Variants in SPRYD4 observed in about 807,000 individuals in gnomAD.
The protein encoded by SPRYD4 is SPRY domain-containing protein 4.
A neutral mutation model predicts 16.6 loss-of-function variants in SPRYD4; 12 were observed. The ratio of observed to expected loss-of-function variants is 0.72; its 90% CI spans 0.46 to 1.17. The LOEUF (loss-of-function observed/expected upper bound fraction) is 1.17. Among genes scored for constraint, SPRYD4 ranks in the 50% most tolerant of loss-of-function variants. SPRYD4 has a pLI of 0.00. For missense variants in SPRYD4, 260 were observed against 260.2 expected, an observed-to-expected ratio of 1.00 and a Z score of 0.00; for synonymous variants, 98 against 105.4, an observed-to-expected ratio of 0.93 and a Z score of 0.43.
In SPRYD4 at chr12:56,478,605, C is replaced by T. The variant is rs1184300545; in HGVS notation, c.*9028C>T. 2.3e-5 allele frequency: 7 copies of T among 299,200 alleles called. No individual in the cohort carries two copies. The highest frequency in any genetic ancestry group is 4.7e-5 in the Admixed American group (1 of 21,198). The allele number at this position is 299,200 out of a possible 1,614,324, so 18.5% of individuals were successfully genotyped here. On this transcript the variant is annotated 3_prime_UTR_variant, in exon 2 of 2. Coordinates refer to ENST00000338146, the MANE Select transcript of SPRYD4 (RefSeq NM_207344.4). ...TGATTCCCTCACCTGCTCTAGGAAT[C>T]GTGTATAGAAACACATGAAGCCATG...
At chr12:56,468,979 T>C in intron 1 of SPRYD4, 60 bp from the exon 2 acceptor site, 1 of 1,507,850 alleles carries the variant, frequency 6.6e-7, no homozygotes, top group Admixed American at 2.3e-5. Context: ...TATCTGAATA[T>C]ATCACCAGCC....
intron 1 of SPRYD4, 94 bp from the exon 2 acceptor site, chr12:56,468,945 C>A (rs1042444159): frequency 3.4e-5 from 49 of 1,442,118 alleles, no homozygotes; most frequent in Non-Finnish European, 4.3e-5. Flanking sequence ...CCTAGTTGCT[C>A]GTGTATCATG....
At position 56,476,719 on chromosome 12, in the gene SPRYD4, C is replaced by G. The variant is rs1052426767; in HGVS notation, c.*7142C>G. ...ATACCATTCTCCTGCCTTAGCCTCCCGAGCAGCTGGGACCACAGGTGCCCA... is the reference window on the plus strand; with the variant it reads ...ATACCATTCTCCTGCCTTAGCCTCCGGAGCAGCTGGGACCACAGGTGCCCA... On this transcript the variant is annotated 3_prime_UTR_variant, in exon 2 of 2. Coordinates refer to ENST00000338146, the MANE Select transcript of SPRYD4 (RefSeq NM_207344.4). The G allele has an allele frequency of 6.6e-6, 1 of 151,896 alleles. No individual in the cohort carries two copies. The highest frequency in any genetic ancestry group is 1.5e-5 in the Non-Finnish European group (1 of 68,102). 9.4% of individuals were successfully genotyped at this position (151,896 alleles called of 1,614,324 possible).
Position 56,478,481 on chromosome 12 carries a change from C to A in SPRYD4, c.*8904C>A. The A allele has an allele frequency of 1.8e-6, 1 of 545,096 alleles. No homozygotes were observed. 33.8% of individuals were successfully genotyped at this position (545,096 alleles called of 1,614,324 possible). A position where few individuals can be genotyped will look rare whatever the true frequency, so the allele number is the denominator to read the frequency against. ...CAATCCTGTAGAGATAGCAGTAAAGCCAATGGAAGTTAAAAAAGGAGAATT... is the reference window on the plus strand; with the variant it reads ...CAATCCTGTAGAGATAGCAGTAAAGACAATGGAAGTTAAAAAAGGAGAATT... On this transcript the variant is annotated 3_prime_UTR_variant, in exon 2 of 2. Transcript: ENST00000338146.
intron 1 of SPRYD4, 174 bp downstream of exon 1, chr12:56,468,850 C>A: frequency 9.7e-7 from 1 of 1,030,278 alleles, no homozygotes; most frequent in Non-Finnish European, 1.4e-6. Flanking sequence ...CCGGGACTTA[C>A]TCAATCCGAG....
In SPRYD4 at chr12:56,473,354, C is replaced by T. The variant is rs1297857249; in HGVS notation, c.*3777C>T. The T allele has an allele frequency of 6.2e-7, 1 of 1,610,500 alleles. No individual in the cohort carries two copies. ...GTAAGCCAAATATATTGTTTATTTA[C>T]TCCTTACACTTAGTAGGAGCTCAAA... is the stretch of plus-strand genomic sequence containing the variant. On this transcript the variant is annotated 3_prime_UTR_variant, in exon 2 of 2. Coordinates refer to ENST00000338146, the MANE Select transcript of SPRYD4 (RefSeq NM_207344.4).
Position 56,468,915 on chromosome 12 carries a change from G to T in SPRYD4, c.86-124G>T, listed in dbSNP as rs998806872. The T allele has an allele frequency of 5.4e-6, 7 of 1,305,278 alleles. No individual in the cohort carries two copies. In the African/African-American group the frequency reaches 8.9e-5, roughly 17 times the overall value. The allele number at this position is 1,305,278 out of a possible 1,614,324, so 80.9% of individuals were successfully genotyped here. On this transcript the variant is annotated intron_variant, in intron 1 of 1. Coordinates refer to ENST00000338146, the MANE Select transcript of SPRYD4 (RefSeq NM_207344.4). ...AAGCGACCTCGCGACTCTCTTGCCC[G>T]CTTGGCATTCTGACTCTTCCCTAGT...
At position 56,472,882 on chromosome 12, in the gene SPRYD4, ATTCTT is replaced by A; in HGVS notation, c.*3308_*3312del. On this transcript the variant is annotated 3_prime_UTR_variant, in exon 2 of 2. Coordinates refer to ENST00000338146, the MANE Select transcript of SPRYD4 (RefSeq NM_207344.4). The stretch of plus-strand genomic sequence containing the variant: ...GTTATGGAATGTGCTACTCTGAAAT[ATTCTT>A]TTTTTTTTTTTTTTTTTTGAGACGG... 1 of 544,654 alleles carries A rather than the reference ATTCTT, an allele frequency of 1.8e-6. No homozygotes were observed. Among genetic ancestry groups the A allele is most frequent in the Non-Finnish European group, 3.1e-6 (1 of 323,126 alleles). The allele number at this position is 544,654 out of a possible 1,614,324, so 33.7% of individuals were successfully genotyped here.
At position 56,472,789 on chromosome 12, in the gene SPRYD4, C is replaced by T. The variant is rs772287526; in HGVS notation, c.*3212C>T. The T allele has an allele frequency of 3.8e-5, 61 of 1,586,876 alleles. No individual in the cohort carries two copies. Among genetic ancestry groups the T allele is most frequent in the African/African-American group, 5.4e-5 (4 of 74,326 alleles). On this transcript the variant is annotated 3_prime_UTR_variant, in exon 2 of 2. Transcript: ENST00000338146. ...TCATACCCACATGACATTAATTGAA[C>T]TCACCTATGCCAGCTGTGCCCTGTG...
At position 56,477,601 on chromosome 12, in the gene SPRYD4, A is replaced by T; in HGVS notation, c.*8024A>T. On this transcript the variant is annotated 3_prime_UTR_variant, in exon 2 of 2. Transcript: ENST00000338146. ...CTGGAGAGCTGAACAAATATGAGGG[A>T]TACAGGAACACAGGAGCTTAGAGGA... is the stretch of plus-strand genomic sequence containing the variant. The T allele has an allele frequency of 1.3e-6, 2 of 1,523,420 alleles. No homozygotes were observed. Among genetic ancestry groups the T allele is most frequent in the Non-Finnish European group, 1.8e-6 (2 of 1,110,518 alleles). 94.4% of individuals were successfully genotyped at this position (1,523,420 alleles called of 1,614,324 possible).
In SPRYD4 at chr12:56,473,056, AT is replaced by A; in HGVS notation, c.*3485del. The A allele has an allele frequency of 1.5e-6, 1 of 649,342 alleles. No individual in the cohort carries two copies. The highest frequency in any genetic ancestry group is 2.6e-6 in the Non-Finnish European group (1 of 385,290). The allele number at this position is 649,342 out of a possible 1,614,324, so 40.2% of individuals were successfully genotyped here. Reference sequence around the variant, plus strand: ...AGGCGCGTGCCACCACGTCTGGCTAATTTTTTGTATTTTCAATAGAGACCAG... The same window carrying A: ...AGGCGCGTGCCACCACGTCTGGCTAATTTTTGTATTTTCAATAGAGACCAG... On this transcript the variant is annotated 3_prime_UTR_variant, in exon 2 of 2. Coordinates refer to ENST00000338146, the MANE Select transcript of SPRYD4 (RefSeq NM_207344.4).
rs1869523916 is a variant in SPRYD4, at chr12:56,473,735, T to G, written c.*4158T>G. On this transcript the variant is annotated 3_prime_UTR_variant, in exon 2 of 2. Coordinates refer to ENST00000338146, the MANE Select transcript of SPRYD4 (RefSeq NM_207344.4). ...CAACCTTTTGGCTTGTTAATTAGCT[T>G]CTTTTATTACTCCTGTCCTTTCCTT... The G allele has an allele frequency of 5.0e-6, 5 of 997,386 alleles. No homozygotes were observed. The South Asian group carries it at 8.2e-5, about 16-fold the overall frequency. The allele number at this position is 997,386 out of a possible 1,614,324, so 61.8% of individuals were successfully genotyped here. A position where few individuals can be genotyped will look rare whatever the true frequency, so the allele number is the denominator to read the frequency against.
At position 56,477,876 on chromosome 12, in the gene SPRYD4, TG is replaced by T; in HGVS notation, c.*8303del. The T allele has an allele frequency of 6.4e-7, 1 of 1,568,404 alleles. No homozygotes were observed. On this transcript the variant is annotated 3_prime_UTR_variant, in exon 2 of 2. Coordinates refer to ENST00000338146, the MANE Select transcript of SPRYD4 (RefSeq NM_207344.4). The stretch of plus-strand genomic sequence containing the variant: ...AAACAAAAAAGGCTGGGAGATGGGG[TG>T]GGGATAAGGAGAAGGGGACAGCTGT...
Position 56,474,184 on chromosome 12 carries a change from C to T in SPRYD4, c.*4607C>T. On this transcript the variant is annotated 3_prime_UTR_variant, in exon 2 of 2. Coordinates refer to ENST00000338146, the MANE Select transcript of SPRYD4 (RefSeq NM_207344.4). ...CTCGGCTCAGTGCAACCTCTGCCTCCCAGGTTCAAGCACTTCTGCCTCAGC... is the reference window on the plus strand; with the variant it reads ...CTCGGCTCAGTGCAACCTCTGCCTCTCAGGTTCAAGCACTTCTGCCTCAGC... 7.3e-6 allele frequency: 2 copies of T among 275,650 alleles called. No homozygotes were observed. Among genetic ancestry groups the T allele is most frequent in the Non-Finnish European group, 7.0e-6 (1 of 142,490 alleles). 17.1% of individuals were successfully genotyped at this position (275,650 alleles called of 1,614,324 possible). A position where few individuals can be genotyped will look rare whatever the true frequency, so the allele number is the denominator to read the frequency against.
rs1032478082 is a variant in SPRYD4, at chr12:56,478,548, C to A, written c.*8971C>A. 4 of 414,930 alleles carry A rather than the reference C, an allele frequency of 9.6e-6. No homozygotes were observed. In the Admixed American group the frequency reaches 1.5e-4, roughly 16 times the overall value. The allele number at this position is 414,930 out of a possible 1,614,324, so 25.7% of individuals were successfully genotyped here. A position where few individuals can be genotyped will look rare whatever the true frequency, so the allele number is the denominator to read the frequency against. On this transcript the variant is annotated 3_prime_UTR_variant, in exon 2 of 2. Coordinates refer to ENST00000338146, the MANE Select transcript of SPRYD4 (RefSeq NM_207344.4). ...CTTTTGGTTCTTAGGCTCAGTTACCCTATAAATCCCTTTGAAGGCTCTATT... is the reference window on the plus strand; with the variant it reads ...CTTTTGGTTCTTAGGCTCAGTTACCATATAAATCCCTTTGAAGGCTCTATT...
chr12:56,475,317 A>C lies in SPRYD4; in HGVS notation c.*5740A>C. 5 of 1,292,384 alleles carry C rather than the reference A, an allele frequency of 3.9e-6. No individual in the cohort carries two copies. The highest frequency in any genetic ancestry group is 4.2e-6 in the Non-Finnish European group (4 of 952,698). 80.1% of individuals were successfully genotyped at this position (1,292,384 alleles called of 1,614,324 possible). A position where few individuals can be genotyped will look rare whatever the true frequency, so the allele number is the denominator to read the frequency against. On this transcript the variant is annotated 3_prime_UTR_variant, in exon 2 of 2. Transcript: ENST00000338146. Reference sequence around the variant, plus strand: ...TTGTTATAAAGTAAACCCAAACCAAACACCCCAAACTGTCTAGTCATCTAG... The same window carrying C: ...TTGTTATAAAGTAAACCCAAACCAACCACCCCAAACTGTCTAGTCATCTAG...
chr12:56,474,947 A>G lies in SPRYD4; in HGVS notation c.*5370A>G, dbSNP rs1296915116. The G allele has an allele frequency of 6.2e-7, 1 of 1,613,826 alleles. No individual in the cohort carries two copies. Among genetic ancestry groups the G allele is most frequent in the Non-Finnish European group, 8.5e-7 (1 of 1,179,976 alleles). On this transcript the variant is annotated 3_prime_UTR_variant, in exon 2 of 2. Coordinates refer to ENST00000338146, the MANE Select transcript of SPRYD4 (RefSeq NM_207344.4). ...TTCTCTTCAGGACATCAGCCCTTTCACACTGTCAGGGTCTCAGCTGAAGCC... is the reference window on the plus strand; with the variant it reads ...TTCTCTTCAGGACATCAGCCCTTTCGCACTGTCAGGGTCTCAGCTGAAGCC...
chr12:56,468,769 G>A, intron 1 of SPRYD4, 93 bp downstream of exon 1: 1 of 1,383,116 alleles, frequency 7.2e-7, no homozygotes, highest in Non-Finnish European at 1.0e-6. Context: ...AACCCTCTCG[G>A]GTCTTTTCCT....
Position 56,469,510 on chromosome 12 carries a change from C to G in SPRYD4, c.557C>G (p.Pro186Arg). The G allele has an allele frequency of 6.2e-7, 1 of 1,614,162 alleles. No individual in the cohort carries two copies. Among genetic ancestry groups the G allele is most frequent in the Non-Finnish European group, 8.5e-7 (1 of 1,180,016 alleles). The change falls in exon 2 of 2, where the codon CCT (proline) becomes CGT (arginine). Residue 186 changes from proline to arginine, a missense_variant. By Grantham distance (103) the Pro-to-Arg change is moderately radical. Transcript: ENST00000338146. ...ACAGATTTCCGGGGTCCAGTGGTGC[C>G]TGCCTTTGCTCTCTGGGATGGGGAG... ...LQTDFRGPVVPAFALWDGELL... is the reference protein window; with the variant it reads ...LQTDFRGPVVRAFALWDGELL...
Sources: gnomAD v4.1 joint callset for allele counts on GRCh38, gnomAD v4.1.1 for gene constraint, MANE v1.5 for transcripts, NCBI Gene and HGNC (gene_info 2026-07-23, HGNC 2026-07-21) for gene names.